The following TIMM9 variants were observed in gnomAD, a reference collection of about 807,000 sequenced individuals.
TIMM9 encodes the protein mitochondrial import inner membrane translocase subunit Tim9.
A neutral mutation model predicts 13.4 loss-of-function variants in TIMM9; 10 were observed. That is an observed-to-expected ratio of 0.75 (90% CI 0.46 to 1.26). The LOEUF (loss-of-function observed/expected upper bound fraction) is 1.26, where lower values mean the gene tolerates loss of function less well. TIMM9 is among the 50% of genes most tolerant of loss of function. The pLI is 0.00. For missense variants in TIMM9, 87 were observed against 100.8 expected, an observed-to-expected ratio of 0.86 and a Z score of 0.58; for synonymous variants, 32 against 32.1, an observed-to-expected ratio of 1.00 and a Z score of 0.01.
At chr14:58,421,591 GA>G (rs1212941526) in intron 3 of TIMM9, among the ~76,000 whole-genome samples, 3 of 151,734 alleles carry the variant, frequency 2.0e-5, no homozygotes, top group Non-Finnish European at 4.4e-5. Flanking sequence ...TAATAATAAA[GA>G]AAAAAAATGT....
At chr14:58,410,637 A>G (rs1370101167) in intron 5 of TIMM9, among the ~76,000 whole-genome samples, 1 of 152,214 alleles carries the variant, frequency 6.6e-6, no homozygotes, top group South Asian at 2.1e-4. Context: ...AAATGGTCTG[A>G]CTTGGTACAA....
intron 3 of TIMM9, among the ~76,000 whole-genome samples, chr14:58,419,651 A>G (rs1263906806): frequency 2.0e-5 from 3 of 152,052 alleles, no homozygotes; most frequent in Admixed American, 2.0e-4. Context: ...CATGCCTGGA[A>G]TTCTAGCACT....
chr14:58,412,022 AGTCT>A, intron 3 of TIMM9, 51 bp from the exon 4 acceptor site: 1 of 1,395,418 alleles, frequency 7.2e-7, no homozygotes, highest in East Asian at 2.3e-5. Flanking sequence ...AAATGTTTTT[AGTCT>A]AACTGAAGAG....
chr14:58,410,251 T>C (rs550261314), intron 5 of TIMM9, among the ~76,000 whole-genome samples: 11 of 152,094 alleles, frequency 7.2e-5, no homozygotes, highest in Non-Finnish European at 1.3e-4. Flanking sequence ...TTTTTTGTAT[T>C]TTTTGTAAAG....
chr14:58,419,466 C>A (rs2036520825), intron 3 of TIMM9, among the ~76,000 whole-genome samples: 1 of 147,394 alleles, frequency 6.8e-6, no homozygotes, highest in Non-Finnish European at 1.5e-5. Context: ...CACACACACA[C>A]ACACACACAC....
intron 2 of TIMM9, among the ~76,000 whole-genome samples, chr14:58,424,592 C>A (rs556656901): frequency 6.6e-6 from 1 of 152,326 alleles, no homozygotes; most frequent in East Asian, 1.9e-4. Flanking sequence ...AGCTAAGTGA[C>A]TGACCAGGTG....
Position 58,408,866 on chromosome 14 carries a change from G to A in TIMM9, c.*168C>T. On this transcript the variant is annotated 3_prime_UTR_variant, in exon 6 of 6. Coordinates refer to ENST00000395159, the MANE Select transcript of TIMM9 (RefSeq NM_012460.4). Reference sequence around the variant, plus strand: ...AAGACCTTCTATTGTGATTATTCCTGGTAAATAGCAATTTTGTTTCTCCAG... The same window carrying A: ...AAGACCTTCTATTGTGATTATTCCTAGTAAATAGCAATTTTGTTTCTCCAG... 1.0e-6 allele frequency: 1 copy of A among 952,782 alleles called. No homozygotes were observed. The highest frequency in any genetic ancestry group is 1.5e-6 in the Non-Finnish European group (1 of 661,090). 59.0% of individuals were successfully genotyped at this position (952,782 alleles called of 1,614,324 possible).
At chr14:58,410,495 C>T (rs186673242) in intron 5 of TIMM9, among the ~76,000 whole-genome samples, 57 of 152,240 alleles carry the variant, frequency 3.7e-4, no homozygotes, top group Non-Finnish European at 5.9e-4. Context: ...TTTTCCAAAG[C>T]CAACCAGAAT....
chr14:58,413,412 A>G (rs2036284576), intron 3 of TIMM9, among the ~76,000 whole-genome samples: 1 of 152,242 alleles, frequency 6.6e-6, no homozygotes, highest in East Asian at 1.9e-4. Context: ...GACAACCCTC[A>G]TGAAGGATAT....
intron 2 of TIMM9, among the ~76,000 whole-genome samples, chr14:58,426,525 T>C (rs1042496581): frequency 4.6e-5 from 7 of 152,202 alleles, no homozygotes; most frequent in African/African-American, 1.7e-4. Context: ...ATTTTAAGTC[T>C]AGACTTCTAT....
At chr14:58,410,208 C>A (rs1368611592) in intron 5 of TIMM9, among the ~76,000 whole-genome samples, 1 of 151,960 alleles carries the variant, frequency 6.6e-6, no homozygotes. Context: ...GTAGCTGGGA[C>A]CACAGGCATG....
At chr14:58,426,267 G>A (rs1040991595) in intron 2 of TIMM9, among the ~76,000 whole-genome samples, 1 of 150,062 alleles carries the variant, frequency 6.7e-6, no homozygotes, top group Non-Finnish European at 1.5e-5. Context: ...GCACAATGGC[G>A]CGATCTCAGC....
rs552934005 is a variant in TIMM9 at position 58,425,409 on chromosome 14, T to C, written c.-114-1314A>G. On this transcript the variant is annotated intron_variant, in intron 2 of 5. Coordinates refer to ENST00000395159, the MANE Select transcript of TIMM9 (RefSeq NM_012460.4). ...GCGAGACCTAGTTTCTACAAAAAAG[T>C]AAAAAATTAGCCAGCGTGGTGGCAA... Among the ~76,000 whole-genome samples, 76 of 151,306 alleles carry C rather than the reference T, an allele frequency of 5.0e-4. 1 individual carries two copies. The South Asian group carries it at 0.015, about 29-fold the overall frequency.
intron 3 of TIMM9, among the ~76,000 whole-genome samples, chr14:58,420,793 CAAAAA>C (rs71107945): frequency 1.7e-5 from 1 of 57,506 alleles, no homozygotes. Context: ...AAATCCATCT[CAAAAA>C]AAAAAAAAAA....
At chr14:58,412,186 A>G in intron 3 of TIMM9, 1 of 415,678 alleles carries the variant, frequency 2.4e-6, no homozygotes, top group Non-Finnish European at 4.4e-6. Flanking sequence ...CTCTGTCACC[A>G]GGCTGGAGCG....
chr14:58,419,283 G>A (rs2036510761), intron 3 of TIMM9, among the ~76,000 whole-genome samples: 1 of 151,966 alleles, frequency 6.6e-6, no homozygotes, highest in South Asian at 2.1e-4. Flanking sequence ...GCGAGACCTT[G>A]TCTGTACAAA....
At position 58,410,926 on chromosome 14, in the gene TIMM9, G is replaced by A; in HGVS notation, c.52C>T (p.Leu18=). Residue 18 remains leucine (L), a synonymous_variant, in exon 5 of 6, where the codon CTG becomes TTG. Transcript: ENST00000395159. ...TCTGTAAGTTTATTGTAGGTCCCCA[G>A]AAATTCCTTAAACTACAAACAAACC... ...SDQIKQFKEF[L]GTYNKLTETC... The A allele has an allele frequency of 6.2e-7, 1 of 1,612,034 alleles. No individual in the cohort carries two copies. Among genetic ancestry groups the A allele is most frequent in the Non-Finnish European group, 8.5e-7 (1 of 1,179,130 alleles).
intron 2 of TIMM9, among the ~76,000 whole-genome samples, chr14:58,425,280 G>A (rs912387175): frequency 1.3e-5 from 2 of 151,992 alleles, no homozygotes; most frequent in Non-Finnish European, 2.9e-5. Context: ...GCAGAGTGGC[G>A]GGTGCCTATA....
At chr14:58,413,715 G>T (rs1460778857) in intron 3 of TIMM9, among the ~76,000 whole-genome samples, 1 of 152,020 alleles carries the variant, frequency 6.6e-6, no homozygotes. Flanking sequence ...TAAAAGATTT[G>T]TATTTGTATA....
Sources: gnomAD v4.1 joint callset for allele counts (sites outside exome capture counted in the v4.1 genomes callset) on GRCh38, gnomAD v4.1.1 for gene constraint, MANE v1.5 for transcripts, NCBI Gene and HGNC (gene_info 2026-07-23, HGNC 2026-07-21) for gene names.